Variants in NEK7 observed in about 807,000 individuals in gnomAD.
NEK7 encodes the protein NIMA related kinase 7.
NEK7 carries 18 observed loss-of-function variants against 44.6 expected under a neutral mutation model. The observed-to-expected ratio is 0.40, with a 90% CI of 0.28 to 0.60. The LOEUF (loss-of-function observed/expected upper bound fraction) is 0.60. Ranked by LOEUF, NEK7 falls within the 20% of genes least tolerant of loss-of-function variation. The pLI, the probability that NEK7 is intolerant of heterozygous loss-of-function variation, is 0.38. For synonymous variants in NEK7, 130 were observed against 121.1 expected (o/e 1.07, Z -0.48); for missense variants, 256 against 366.5 (o/e 0.70, Z 2.46).
At chr1:198,312,888 C>T (rs183801829) in intron 9 of NEK7, among the ~76,000 whole-genome samples, 66 of 151,904 alleles carry the variant, frequency 4.3e-4, no homozygotes, top group African/African-American at 1.3e-3. Flanking sequence ...ATAGGTGTGG[C>T]GTGGTGCTGA....
chr1:198,317,311 C>T (rs1159134330), intron 9 of NEK7, among the ~76,000 whole-genome samples: 1 of 152,200 alleles, frequency 6.6e-6, no homozygotes, highest in Non-Finnish European at 1.5e-5. Context: ...CACCAATTGA[C>T]CTGTCATCCC....
chr1:198,228,476 G>A (rs1226118469), intron 1 of NEK7, among the ~76,000 whole-genome samples: 9 of 152,014 alleles, frequency 5.9e-5, no homozygotes, highest in African/African-American at 9.7e-5. Flanking sequence ...CCATTTTCAC[G>A]ATATTGATTC....
chr1:198,216,801 A>G (rs188190234), intron 1 of NEK7, among the ~76,000 whole-genome samples: 195 of 152,170 alleles, frequency 1.3e-3, no homozygotes, highest in Non-Finnish European at 2.4e-3. Flanking sequence ...TGACATTACT[A>G]TGAACACCTT....
chr1:198,248,869 CTTTTA>C (rs200934293), intron 2 of NEK7, among the ~76,000 whole-genome samples: 6,597 of 151,244 alleles, frequency 0.044, 221 homozygotes, highest in Middle Eastern at 0.065. Context: ...TCTGCAATTG[CTTTTA>C]TTTTATTTTA....
intron 7 of NEK7, among the ~76,000 whole-genome samples, chr1:198,280,433 C>T (rs1239955981): frequency 6.6e-6 from 1 of 152,076 alleles, no homozygotes. Flanking sequence ...GTGTTGTTTA[C>T]ATGCTGCTTT....
rs372111535 is a variant in NEK7 at position 198,278,088 on chromosome 1, G to A, written c.481+19G>A. ...CATAGAGGTAAGATAAAATCATTAA[G>A]TACTTTTAATCTTGTTTTAAATGAT... On this transcript the variant is annotated intron_variant, in intron 6 of 9. Transcript: ENST00000367385. The A allele has an allele frequency of 2.4e-4, 312 of 1,280,406 alleles. 2 individuals carry two copies. In the African/African-American group the frequency reaches 4.3e-3, roughly 18 times the overall value. 79.3% of individuals were successfully genotyped at this position (1,280,406 alleles called of 1,614,324 possible).
chr1:198,196,781 T>A (rs1665250748), intron 1 of NEK7, among the ~76,000 whole-genome samples: 1 of 152,192 alleles, frequency 6.6e-6, no homozygotes. Context: ...TGTGGTTAAG[T>A]CCAGCTGAAA....
chr1:198,279,018 T>C lies in NEK7; in HGVS notation c.546T>C (p.Leu182=). The C allele has an allele frequency of 3.1e-6, 5 of 1,611,364 alleles. No homozygotes were observed. The highest frequency in any genetic ancestry group is 4.2e-6 in the Non-Finnish European group (5 of 1,178,074). Residue 182 remains leucine (L), a synonymous_variant, in exon 7 of 10, where the codon CTT becomes CTC. Coordinates refer to ENST00000367385, the MANE Select transcript of NEK7 (RefSeq NM_133494.3). ...TGVVKLGDLG[L]GRFFSSKTTA... is the part of the protein sequence containing the mutation. ...TGGTAAAACTTGGAGATCTTGGGCT[T>C]GGCCGGTTTTTCAGCTCAAAAACCA...
chr1:198,203,260 C>G (rs748653326), intron 1 of NEK7, among the ~76,000 whole-genome samples: 2 of 152,132 alleles, frequency 1.3e-5, no homozygotes, highest in Non-Finnish European at 2.9e-5. Flanking sequence ...GTGCTTGAAA[C>G]TGTCTTCCTG....
intron 1 of NEK7, among the ~76,000 whole-genome samples, chr1:198,162,717 C>T (rs1291523639): frequency 6.6e-6 from 1 of 152,032 alleles, no homozygotes; most frequent in Non-Finnish European, 1.5e-5. Flanking sequence ...ATTTCCACTT[C>T]CTCTGCTTGA....
intron 5 of NEK7, among the ~76,000 whole-genome samples, chr1:198,269,001 C>A (rs1653749303): frequency 6.6e-6 from 1 of 152,124 alleles, no homozygotes; most frequent in South Asian, 2.1e-4. Context: ...TCGTAGAGTA[C>A]TTTATGGTAT....
intron 8 of NEK7, among the ~76,000 whole-genome samples, chr1:198,293,585 G>A (rs1478013733): frequency 6.6e-6 from 1 of 151,816 alleles, no homozygotes; most frequent in Non-Finnish European, 1.5e-5. Context: ...ATTTATCAAA[G>A]GAAGATGGAA....
intron 1 of NEK7, among the ~76,000 whole-genome samples, chr1:198,165,833 G>A (rs1259022611): frequency 6.6e-6 from 1 of 152,188 alleles, no homozygotes; most frequent in Non-Finnish European, 1.5e-5. Context: ...CAAATAGAAG[G>A]CTGTTTTATC....
chr1:198,277,326 C>T (rs1015416592), intron 5 of NEK7, among the ~76,000 whole-genome samples: 1 of 151,648 alleles, frequency 6.6e-6, no homozygotes, highest in Non-Finnish European at 1.5e-5. Flanking sequence ...GTGCCAGGAC[C>T]CCTCTCCTAA....
At chr1:198,317,294 G>A (rs1185488124) in intron 9 of NEK7, among the ~76,000 whole-genome samples, 2 of 152,178 alleles carry the variant, frequency 1.3e-5, no homozygotes, top group African/African-American at 2.4e-5. Flanking sequence ...TCTGCCTGTC[G>A]CAAGGTCACC....
rs541017724 is a variant in NEK7, at chr1:198,312,155, G to A, written c.799-7257G>A. 6.6e-5 allele frequency among the ~76,000 whole-genome samples: 10 copies of A among 152,116 alleles called. No homozygotes were observed. In the East Asian group the frequency reaches 1.9e-3, roughly 29 times the overall value. The stretch of plus-strand genomic sequence containing the variant: ...TATTCAGAGATTCAACTTCTTCCTG[G>A]TTTAGTCTTGGGAGAGTGTATGTGT... On this transcript the variant is annotated intron_variant, in intron 9 of 9. Coordinates refer to ENST00000367385, the MANE Select transcript of NEK7 (RefSeq NM_133494.3).
At chr1:198,226,415 C>T (rs1269150885) in intron 1 of NEK7, among the ~76,000 whole-genome samples, 1 of 151,756 alleles carries the variant, frequency 6.6e-6, no homozygotes, top group Non-Finnish European at 1.5e-5. Flanking sequence ...CGTGGTGGCA[C>T]ACACCTGTAA....
chr1:198,231,555 A>G (rs1231683664), intron 1 of NEK7, among the ~76,000 whole-genome samples: 4 of 151,792 alleles, frequency 2.6e-5, no homozygotes, highest in Non-Finnish European at 2.9e-5. Flanking sequence ...AGAAAATAAT[A>G]TGAGCACTTA....
At chr1:198,189,245 A>G (rs1001980942) in intron 1 of NEK7, among the ~76,000 whole-genome samples, 1 of 152,196 alleles carries the variant, frequency 6.6e-6, no homozygotes, top group African/African-American at 2.4e-5. Flanking sequence ...AGGATTTTTT[A>G]AAAACGTTGT....
Sources: gnomAD v4.1 joint callset for allele counts (sites outside exome capture counted in the v4.1 genomes callset) on GRCh38, gnomAD v4.1.1 for gene constraint, MANE v1.5 for transcripts, NCBI Gene and HGNC (gene_info 2026-07-23, HGNC 2026-07-21) for gene names.